The following IQCK variants were observed in gnomAD, a reference collection of about 807,000 sequenced individuals.
IQCK encodes the protein IQ motif containing K, also known as IQ domain-containing protein K.
IQCK carries 29 observed loss-of-function variants against 28.1 expected under a neutral mutation model. That is an observed-to-expected ratio of 1.03 (90% CI 0.77 to 1.41). The LOEUF is 1.41. Ranked by LOEUF, IQCK falls within the 40% of genes most tolerant of loss-of-function variation. The pLI is 0.00. For synonymous variants in IQCK, 113 were observed against 115.1 expected, an observed-to-expected ratio of 0.98 and a Z score of 0.12; for missense variants, 359 against 314.7, an observed-to-expected ratio of 1.14 and a Z score of -1.07.
intron 7 of IQCK, among the ~76,000 whole-genome samples, chr16:19,820,141 A>T (rs895666604): frequency 1.3e-5 from 2 of 152,224 alleles, no homozygotes; most frequent in Non-Finnish European, 2.9e-5. Context: ...AAACATAGGG[A>T]TAAATCTTTA....
At chr16:19,764,192 A>G in intron 6 of IQCK, 80 bp downstream of exon 6, 1 of 1,182,906 alleles carries the variant, frequency 8.5e-7, no homozygotes, top group Non-Finnish European at 1.2e-6. Flanking sequence ...ATCTAAGAGA[A>G]CAAACTGATG....
At chr16:19,798,316 G>T (rs1342285396) in intron 7 of IQCK, among the ~76,000 whole-genome samples, 1 of 109,476 alleles carries the variant, frequency 9.1e-6, no homozygotes, top group Non-Finnish European at 1.6e-5. Context: ...TACTTGGGAG[G>T]CTGAGGCAGG....
At chr16:19,762,083 C>T (rs1411580847) in intron 4 of IQCK, 1 of 152,554 alleles carries the variant, frequency 6.6e-6, no homozygotes, top group Non-Finnish European at 1.5e-5. Flanking sequence ...AGAATTTTCT[C>T]AGAGGTCCCT....
intron 6 of IQCK, among the ~76,000 whole-genome samples, chr16:19,774,338 A>G (rs527511074): frequency 7.1e-6 from 1 of 140,972 alleles, no homozygotes; most frequent in African/African-American, 2.7e-5. Context: ...ATATTTCATT[A>G]TTGGTACATA....
intron 7 of IQCK, among the ~76,000 whole-genome samples, chr16:19,811,895 G>T (rs1006004562): frequency 6.6e-6 from 1 of 151,958 alleles, no homozygotes; most frequent in Admixed American, 6.6e-5. Context: ...TACTCAATCA[G>T]TACCTACAGG....
rs1451562966 is a variant in IQCK, at chr16:19,825,959, AAC to A, written c.691-1061_691-1060del. On this transcript the variant is annotated intron_variant, in intron 7 of 7. Coordinates refer to ENST00000564186, the Ensembl canonical transcript of IQCK. This position sits in a 1 kb window ranked among gnomAD's most constrained non-coding sequence, Gnocchi z 4.2. The stretch of plus-strand genomic sequence containing the variant: ...AAATGAAGTATGTTGTAAGTGCAAA[AAC>A]ACACAGTGTTGAAGACTTAGCATGT... Among the ~76,000 whole-genome samples the A allele has an allele frequency of 2.0e-5, 3 of 152,206 alleles. No homozygotes were observed. The highest frequency in any genetic ancestry group is 4.4e-5 in the Non-Finnish European group (3 of 68,032).
At chr16:19,763,535 C>T (rs1247497718) in intron 4 of IQCK, among the ~76,000 whole-genome samples, 1 of 152,058 alleles carries the variant, frequency 6.6e-6, no homozygotes. Flanking sequence ...CTCCACCTCC[C>T]AGGTTCAAGC....
intron 6 of IQCK, among the ~76,000 whole-genome samples, chr16:19,785,602 GC>G (rs763693838): frequency 4.6e-5 from 7 of 152,184 alleles, no homozygotes; most frequent in Non-Finnish European, 1.0e-4. Context: ...CTGATTGCGG[GC>G]CGAGTCTTTG....
At chr16:19,850,256 T>C (rs1050625898) in intron 9 of IQCK, among the ~76,000 whole-genome samples, 1 of 152,200 alleles carries the variant, frequency 6.6e-6, no homozygotes, top group African/African-American at 2.4e-5. Context: ...ATCTTGACCC[T>C]GTAGAGTTTT....
At chr16:19,770,467 T>A (rs2055305357) in intron 6 of IQCK, among the ~76,000 whole-genome samples, 1 of 152,144 alleles carries the variant, frequency 6.6e-6, no homozygotes, top group African/African-American at 2.4e-5. Flanking sequence ...GCCTAATTCT[T>A]TTCTGGAGTT....
exon 10 of IQCK, chr16:19,858,337 C>A: frequency 2.3e-6 from 1 of 442,036 alleles, no homozygotes; most frequent in Non-Finnish European, 4.0e-6. Context: ...GGAAAAAGGT[C>A]TCATTAAATG....
At chr16:19,843,798 C>A (rs1404410841) in intron 9 of IQCK, among the ~76,000 whole-genome samples, 1 of 152,084 alleles carries the variant, frequency 6.6e-6, no homozygotes, top group East Asian at 1.9e-4. Flanking sequence ...GTAAGGGTAC[C>A]AGTTCTACCA....
chr16:19,846,817 A>ATT (rs537574236), intron 9 of IQCK, among the ~76,000 whole-genome samples: 6 of 150,348 alleles, frequency 4.0e-5, no homozygotes, highest in African/African-American at 1.5e-4. Context: ...AGGGGCATAG[A>ATT]TTTTTTTTTT....
At chr16:19,821,643 G>A (rs1321002875) in intron 7 of IQCK, among the ~76,000 whole-genome samples, 1 of 151,924 alleles carries the variant, frequency 6.6e-6, no homozygotes, top group Admixed American at 6.6e-5. Context: ...GCAGTGAGGC[G>A]AGATCACGCC....
chr16:19,838,613 G>A (rs1335406281), intron 9 of IQCK, among the ~76,000 whole-genome samples: 2 of 152,186 alleles, frequency 1.3e-5, no homozygotes, highest in African/African-American at 4.8e-5. Context: ...AACGTTGCGT[G>A]TCTGCAAAGA....
At chr16:19,814,083 G>T (rs1041873978) in intron 7 of IQCK, among the ~76,000 whole-genome samples, 1 of 152,124 alleles carries the variant, frequency 6.6e-6, no homozygotes, top group Non-Finnish European at 1.5e-5. Context: ...AGTTGGGTGT[G>T]GTGGCGGGTA....
intron 1 of IQCK, among the ~76,000 whole-genome samples, chr16:19,725,124 A>G (rs1204780594): frequency 6.6e-6 from 1 of 152,202 alleles, no homozygotes; most frequent in Non-Finnish European, 1.5e-5. Context: ...CCCCTAATCA[A>G]TTAATGCCAT....
chr16:19,762,670 A>G (rs1391365321), intron 4 of IQCK, among the ~76,000 whole-genome samples: 2 of 152,122 alleles, frequency 1.3e-5, no homozygotes, highest in African/African-American at 4.8e-5. Context: ...AAGAATATAC[A>G]GTTGACTCCT....
At chr16:19,733,888 G>A (rs906737070) in intron 3 of IQCK, 61 bp downstream of exon 3, 2 of 1,588,700 alleles carry the variant, frequency 1.3e-6, no homozygotes, top group Admixed American at 1.7e-5. Flanking sequence ...GAACCACAGG[G>A]TGGGTATGGA....
Sources: gnomAD v4.1 joint callset for allele counts (sites outside exome capture counted in the v4.1 genomes callset) on GRCh38, gnomAD v4.1.1 for gene constraint, Gnocchi (gnomAD v3.1) non-coding constraint, MANE v1.5 for transcripts, NCBI Gene and HGNC (gene_info 2026-07-23, HGNC 2026-07-21) for gene names.